PPWD1: variants seen among roughly 807,000 people sequenced by gnomAD.
PPWD1 encodes the protein peptidylprolyl isomerase domain and WD repeat-containing protein 1.
In PPWD1, 43 loss-of-function variants were observed where a neutral mutation model predicts 68.8. That is an observed-to-expected ratio of 0.62 (90% CI 0.49 to 0.81). The LOEUF (loss-of-function observed/expected upper bound fraction) is 0.81. Ranked by LOEUF, PPWD1 falls within the 30% of genes least tolerant of loss-of-function variation. The pLI, the probability that PPWD1 is intolerant of heterozygous loss-of-function variation, is 0.00. For missense variants in PPWD1, 672 were observed against 804.8 expected, an observed-to-expected ratio of 0.83 and a Z score of 2.00; for synonymous variants, 232 against 258.7, an observed-to-expected ratio of 0.90 and a Z score of 0.99.
intron 6 of PPWD1, 43 bp downstream of exon 6, chr5:65,577,112 G>A: frequency 3.4e-5 from 54 of 1,566,278 alleles, no homozygotes; most frequent in Non-Finnish European, 4.6e-5. Context: ...ATGTGTTTGT[G>A]GGGGACCATT....
At chr5:65,573,516 G>GTTTGTTTTTTTTTTTT (rs1753122949) in intron 5 of PPWD1, among the ~76,000 whole-genome samples, 5 of 15,438 alleles carry the variant, frequency 3.2e-4, no homozygotes, top group African/African-American at 1.1e-3. Context: ...AGTACAGATG[G>GTTTGTTTTTTTTTTTT]TTTTTTTTTT....
chr5:65,578,549 T>C (rs1753418723), intron 6 of PPWD1, among the ~76,000 whole-genome samples: 1 of 152,094 alleles, frequency 6.6e-6, no homozygotes, highest in South Asian at 2.1e-4. Context: ...TGTAATGGTA[T>C]CTTGTTTTAG....
chr5:65,563,431 G>C lies in PPWD1; in HGVS notation c.121G>C (p.Glu41Gln), dbSNP rs927989636. The C allele has an allele frequency of 1.2e-6, 2 of 1,614,044 alleles. No homozygotes were observed. The highest frequency in any genetic ancestry group is 1.7e-6 in the Non-Finnish European group (2 of 1,180,040). The change falls in exon 1 of 11, where the codon GAG (glutamate) becomes CAG (glutamine). Residue 41 changes from glutamate to glutamine, a missense_variant. Transcript: ENST00000261308. ...ELAVAVAVSQ[E>Q]NDEENEERWV... is the part of the protein sequence containing the mutation. ...GGCAGTAGCAGTGGCGGTGTCCCAG[G>C]AGAACGATGAGGAGAACGAAGAGCG...
chr5:65,584,920 T>C lies in PPWD1; in HGVS notation c.1533-94T>C, dbSNP rs1017180938. 4.2e-6 allele frequency: 6 copies of C among 1,445,036 alleles called. No homozygotes were observed. In the Middle Eastern group the frequency reaches 5.9e-4, roughly 142 times the overall value. 89.5% of individuals were successfully genotyped at this position (1,445,036 alleles called of 1,614,324 possible). A position where few individuals can be genotyped will look rare whatever the true frequency, so the allele number is the denominator to read the frequency against. On this transcript the variant is annotated intron_variant, in intron 8 of 10. Coordinates refer to ENST00000261308, the MANE Select transcript of PPWD1 (RefSeq NM_015342.4). The stretch of plus-strand genomic sequence containing the variant: ...GTCCTTCTGAAACATTCAGAAGACA[T>C]GGAAAGGAAACATCATTAGGAAGCA...
rs80052296 is a variant in PPWD1 at position 65,566,773 on chromosome 5, T to C, written c.197-740T>C. ...TCCCTTCGTCTTTCTTTCCCTCCCT[T>C]CTTTCCTTCCTTACTTCCCTCCCTC... On this transcript the variant is annotated intron_variant, in intron 1 of 10. Coordinates refer to ENST00000261308, the MANE Select transcript of PPWD1 (RefSeq NM_015342.4). 2.4e-3 allele frequency among the ~76,000 whole-genome samples: 359 copies of C among 150,180 alleles called. 5 individuals are homozygous for C. The highest frequency in any genetic ancestry group is 8.6e-3 in the African/African-American group (354 of 40,974).
Position 65,571,966 on chromosome 5 carries a change from A to G in PPWD1, c.649A>G (p.Ile217Val), listed in dbSNP as rs758412168. ...DGRGDNQPLH[I>V]FDKLHTSPLT... ...CCGAGGAGATAACCAGCCACTTCAT[A>G]TTTTTGACAAACTCCATACATCACC... Residue 217 changes from isoleucine (I) to valine (V), a missense_variant, in exon 5 of 11, where the codon ATT becomes GTT. Ile to Val is a conservative substitution (Grantham distance 29). This residue lies in a region of PPWD1 where 484 missense variants were observed against 646.2 expected (regional missense o/e 0.75). Transcript: ENST00000261308. 2 of 1,614,014 alleles carry G rather than the reference A, an allele frequency of 1.2e-6. No individual in the cohort carries two copies. Among genetic ancestry groups the G allele is most frequent in the Non-Finnish European group, 1.7e-6 (2 of 1,179,912 alleles).
At chr5:65,584,062 A>G (rs62369042) in intron 8 of PPWD1, among the ~76,000 whole-genome samples, 11,275 of 152,288 alleles carry the variant, frequency 0.074, 421 homozygotes, top group East Asian at 0.096. Context: ...CAAATACAGT[A>G]GAGTATCTCT....
At chr5:65,579,195 G>A in intron 6 of PPWD1, 1 of 505,784 alleles carries the variant, frequency 2.0e-6, no homozygotes, top group Non-Finnish European at 3.0e-6. Context: ...GGGATTACAG[G>A]TGTGAGCCAC....
chr5:65,577,613 G>A (rs1192092760), intron 6 of PPWD1, among the ~76,000 whole-genome samples: 28 of 152,098 alleles, frequency 1.8e-4, no homozygotes, highest in Admixed American at 1.8e-3. Context: ...TATTTATATT[G>A]TAGTTCTTGG....
At chr5:65,565,021 G>A (rs1391295583) in intron 1 of PPWD1, among the ~76,000 whole-genome samples, 1 of 152,210 alleles carries the variant, frequency 6.6e-6, no homozygotes, top group South Asian at 2.1e-4. Context: ...TCCAAATTTT[G>A]AAGAAGCTGT....
rs1753893967 is a variant in PPWD1 at position 65,587,378 on chromosome 5, A to C, written c.1923A>C (p.Ile641=). Reference sequence around the variant, plus strand: ...AGCCCTATGAGGATGTCAGCATCATAAATATTACTGTCAAGTAAAATAAGA... The same window carrying C: ...AGCCCTATGAGGATGTCAGCATCATCAATATTACTGTCAAGTAAAATAAGA... ...TDKPYEDVSI[I]NITVK The change falls in exon 11 of 11, where the codon ATA becomes ATC. Residue 641 remains isoleucine (I), a synonymous_variant. Transcript: ENST00000261308. 1 of 1,608,432 alleles carries C rather than the reference A, an allele frequency of 6.2e-7. No homozygotes were observed. Among genetic ancestry groups the C allele is most frequent in the African/African-American group, 1.3e-5 (1 of 74,728 alleles).
Position 65,577,086 on chromosome 5 carries a change from G to A in PPWD1, c.1160+17G>A. ...GACAAACCGGTAAGCTTTAATATGA[G>A]GTATGTTTTTTAAAAATGTGTTTGT... On this transcript the variant is annotated intron_variant, in intron 6 of 10. Coordinates refer to ENST00000261308, the MANE Select transcript of PPWD1 (RefSeq NM_015342.4). 1 of 1,592,682 alleles carries A rather than the reference G, an allele frequency of 6.3e-7. No individual in the cohort carries two copies. The highest frequency in any genetic ancestry group is 8.6e-7 in the Non-Finnish European group (1 of 1,166,038).
At chr5:65,582,966 T>A in intron 7 of PPWD1, 72 bp from the exon 8 acceptor site, 1 of 1,442,844 alleles carries the variant, frequency 6.9e-7, no homozygotes, top group Non-Finnish European at 9.2e-7. Flanking sequence ...CATTAGAAAT[T>A]CTATTGTTCA....
chr5:65,572,426 G>A, intron 5 of PPWD1, 140 bp downstream of exon 5: 2 of 933,018 alleles, frequency 2.1e-6, no homozygotes, highest in Non-Finnish European at 3.1e-6. Context: ...ATATTCAACT[G>A]TTTCTGTCTT....
chr5:65,567,810 TTATA>T, intron 2 of PPWD1, 195 bp downstream of exon 2: 1 of 1,038,614 alleles, frequency 9.6e-7, no homozygotes, highest in Non-Finnish European at 1.2e-6. Flanking sequence ...ACCCCTGAGT[TTATA>T]TGTATGTCTT....
intron 6 of PPWD1, among the ~76,000 whole-genome samples, chr5:65,577,676 A>T (rs373706734): frequency 2.0e-5 from 3 of 152,258 alleles, no homozygotes; most frequent in African/African-American, 7.2e-5. Context: ...TGGAATTTTA[A>T]TAAGAATAGG....
At chr5:65,582,302 C>T (rs1753630108) in intron 7 of PPWD1, among the ~76,000 whole-genome samples, 1 of 152,122 alleles carries the variant, frequency 6.6e-6, no homozygotes, top group Admixed American at 6.5e-5. Flanking sequence ...TTCCTAGACC[C>T]CAAGGATCTG....
chr5:65,571,065 G>A (rs1182621790), intron 4 of PPWD1, among the ~76,000 whole-genome samples: 1 of 152,102 alleles, frequency 6.6e-6, no homozygotes, highest in Admixed American at 6.5e-5. Context: ...CCCCAGGTTT[G>A]TTTCCTCAAA....
intron 4 of PPWD1, chr5:65,570,260 T>C (rs1198953415): frequency 6.5e-6 from 6 of 919,696 alleles, no homozygotes; most frequent in Middle Eastern, 5.6e-4. Context: ...TACTTAGTAA[T>C]ATTACTGGAG....
Sources: gnomAD v4.1 joint callset for allele counts (sites outside exome capture counted in the v4.1 genomes callset) on GRCh38, gnomAD v4.1.1 for gene constraint, gnomAD v4.1.1 regional missense constraint, MANE v1.5 for transcripts, NCBI Gene and HGNC (gene_info 2026-07-23, HGNC 2026-07-21) for gene names.